Variants in ADCY2 observed in about 807,000 individuals in gnomAD.
ADCY2 encodes adenylate cyclase 2.
ADCY2 carries 31 observed loss-of-function variants against 125.2 expected under a neutral mutation model. The observed-to-expected ratio is 0.25, with a 90% confidence interval of 0.19 to 0.33. The LOEUF is 0.33. Among genes scored for constraint, ADCY2 ranks in the 10% least tolerant of loss-of-function variants. The pLI, the probability that ADCY2 is intolerant of heterozygous loss-of-function variation, is 1.00. For synonymous variants in ADCY2, 512 were observed against 548.4 expected (o/e 0.93, Z 0.93); for missense variants, 904 against 1,418.2 (o/e 0.64, Z 5.82).
intron 3 of ADCY2, among the ~76,000 whole-genome samples, chr5:7,540,605 G>T (rs1267943480): frequency 6.6e-6 from 1 of 152,168 alleles, no homozygotes; most frequent in Non-Finnish European, 1.5e-5. Flanking sequence ...TTTTCAGCTT[G>T]CAGGGGACTG....
In ADCY2 at chr5:7,787,661, G is replaced by C. The variant is rs189367226; in HGVS notation, c.2470-1981G>C. On this transcript the variant is annotated intron_variant, in intron 19 of 24. Coordinates refer to ENST00000338316, the MANE Select transcript of ADCY2 (RefSeq NM_020546.3). ...GATAGATGATTGATAGATGGATATA[G>C]ATAAATAGAAAGGTAGGTAGGTAGA... is the stretch of plus-strand genomic sequence containing the variant. 4.7e-5 allele frequency among the ~76,000 whole-genome samples: 7 copies of C among 147,822 alleles called. No homozygotes were observed. The East Asian group carries it at 1.4e-3, about 29-fold the overall frequency.
At chr5:7,598,013 A>G (rs1351193963) in intron 3 of ADCY2, among the ~76,000 whole-genome samples, 1 of 152,190 alleles carries the variant, frequency 6.6e-6, no homozygotes, top group Non-Finnish European at 1.5e-5. Flanking sequence ...AGCACAACGT[A>G]TACATAGATC....
Position 7,416,277 on chromosome 5 carries a change from G to A in ADCY2, c.408+1507G>A, listed in dbSNP as rs1042415451. Among the ~76,000 whole-genome samples the A allele has an allele frequency of 2.6e-5, 4 of 152,292 alleles. No homozygotes were observed. The South Asian group carries it at 6.2e-4, about 24-fold the overall frequency. The stretch of plus-strand genomic sequence containing the variant: ...AAGTGAACTCAAGTTAGTCTTTATG[G>A]CTCTAAGAGGACACTGTCATAGTGG... On this transcript the variant is annotated intron_variant, in intron 2 of 24. Coordinates refer to ENST00000338316, the MANE Select transcript of ADCY2 (RefSeq NM_020546.3).
chr5:7,654,591 C>A (rs912811593), intron 4 of ADCY2, among the ~76,000 whole-genome samples: 1 of 152,112 alleles, frequency 6.6e-6, no homozygotes, highest in Non-Finnish European at 1.5e-5. Context: ...GTTGTTTCTC[C>A]TGTCTTTTAT....
At chr5:7,679,760 C>A (rs1447261749) in intron 4 of ADCY2, among the ~76,000 whole-genome samples, 1 of 152,172 alleles carries the variant, frequency 6.6e-6, no homozygotes, top group Non-Finnish European at 1.5e-5. Flanking sequence ...GTGACAGTTT[C>A]CATTTGCAAA....
At chr5:7,818,438 C>A (rs1036271778) in intron 23 of ADCY2, among the ~76,000 whole-genome samples, 1 of 151,566 alleles carries the variant, frequency 6.6e-6, no homozygotes, top group Non-Finnish European at 1.5e-5. Flanking sequence ...TTCACTGCAA[C>A]CTCCACCTCC....
intron 4 of ADCY2, among the ~76,000 whole-genome samples, chr5:7,665,825 A>ATTT (rs1318244640): frequency 4.0e-5 from 3 of 74,906 alleles, no homozygotes; most frequent in African/African-American, 1.1e-4. Flanking sequence ...TTTTAATTTA[A>ATTT]TTCTTTTTTT....
chr5:7,427,945 T>C (rs981789153), intron 2 of ADCY2, among the ~76,000 whole-genome samples: 2 of 152,176 alleles, frequency 1.3e-5, no homozygotes, highest in African/African-American at 2.4e-5. Context: ...CTAAATGCAA[T>C]TGTGGAGCCC....
At chr5:7,639,366 C>G (rs534582997) in intron 4 of ADCY2, among the ~76,000 whole-genome samples, 1 of 152,294 alleles carries the variant, frequency 6.6e-6, no homozygotes, top group East Asian at 1.9e-4. Context: ...TTCAAAATGA[C>G]CAAGAGTCCA....
chr5:7,449,308 A>G (rs978076555), intron 2 of ADCY2, among the ~76,000 whole-genome samples: 3 of 152,332 alleles, frequency 2.0e-5, no homozygotes, highest in East Asian at 1.9e-4. Flanking sequence ...CTTTTAAGAA[A>G]TGTTGTCCCC....
At chr5:7,518,082 A>G (rs1744314526) in intron 2 of ADCY2, among the ~76,000 whole-genome samples, 1 of 152,196 alleles carries the variant, frequency 6.6e-6, no homozygotes, top group African/African-American at 2.4e-5. Flanking sequence ...AATAAATTTC[A>G]TTTGCTCAAT....
intron 20 of ADCY2, among the ~76,000 whole-genome samples, chr5:7,790,464 A>T (rs1744217706): frequency 6.6e-6 from 1 of 152,216 alleles, no homozygotes. Context: ...GGTTTTGAAG[A>T]GATGTTGTGA....
At chr5:7,526,870 A>T (rs1734487296) in intron 3 of ADCY2, among the ~76,000 whole-genome samples, 1 of 152,242 alleles carries the variant, frequency 6.6e-6, no homozygotes, top group African/African-American at 2.4e-5. Context: ...TAATTATCAG[A>T]AAACTTAAAG....
chr5:7,607,186 G>A (rs946719317), intron 3 of ADCY2, among the ~76,000 whole-genome samples: 3 of 152,136 alleles, frequency 2.0e-5, no homozygotes, highest in African/African-American at 4.8e-5. Context: ...TGTAGTGGAA[G>A]GATGACTTTC....
intron 3 of ADCY2, among the ~76,000 whole-genome samples, chr5:7,589,458 A>AAAAGAAAGAAAGAAAGAAAAG (rs1736748368): frequency 1.4e-5 from 1 of 72,932 alleles, no homozygotes. Flanking sequence ...GAAGGAAAGA[A>AAAAGAAAGAAAGAAAGAAAAG]AAAGAAAGAA....
chr5:7,408,445 G>A (rs989137921), intron 1 of ADCY2, among the ~76,000 whole-genome samples: 7 of 151,846 alleles, frequency 4.6e-5, no homozygotes, highest in African/African-American at 1.5e-4. Flanking sequence ...TCGGCTCACT[G>A]CAACCTCCGC....
At chr5:7,555,479 G>A (rs533031665) in intron 3 of ADCY2, among the ~76,000 whole-genome samples, 4 of 152,178 alleles carry the variant, frequency 2.6e-5, no homozygotes, top group South Asian at 2.1e-4. Flanking sequence ...TATAATTTCC[G>A]TTGCTTCACT....
rs188137603 is a variant in ADCY2, at chr5:7,743,275, G to C, written c.1872-393G>C. 2.4e-3 allele frequency among the ~76,000 whole-genome samples: 361 copies of C among 152,118 alleles called. 2 individuals are homozygous for C. Among genetic ancestry groups the C allele is most frequent in the Non-Finnish European group, 3.2e-3 (216 of 68,000 alleles). ...CAAGGGTGGAACTTGAGGACTTCCA[G>C]GCTATCAAGGTGAGGCTGTCCTTAA... On this transcript the variant is annotated intron_variant, in intron 14 of 24. Transcript: ENST00000338316.
intron 4 of ADCY2, among the ~76,000 whole-genome samples, chr5:7,639,987 A>C (rs1289032437): frequency 1.3e-5 from 2 of 152,206 alleles, no homozygotes; most frequent in African/African-American, 4.8e-5. Flanking sequence ...TTTTTATGTC[A>C]AAGATAAAAC....
Sources: gnomAD v4.1 joint callset for allele counts (sites outside exome capture counted in the v4.1 genomes callset) on GRCh38, gnomAD v4.1.1 for gene constraint, MANE v1.5 for transcripts, NCBI Gene and HGNC (gene_info 2026-07-23, HGNC 2026-07-21) for gene names.